Variants in NLGN1 observed in about 807,000 individuals in gnomAD.
The protein encoded by NLGN1 is neuroligin-1.
In NLGN1, 12 loss-of-function variants were observed where a neutral mutation model predicts 65.5. That is an observed-to-expected ratio of 0.18 (90% confidence interval 0.12 to 0.30). The LOEUF is 0.30. NLGN1 is among the 10% of genes least tolerant of loss of function. The probability of loss-of-function intolerance (pLI) is 1.00; values close to 1 mark genes in which losing one functional copy is unlikely to be tolerated. For synonymous variants in NLGN1, 350 were observed against 359.5 expected (o/e 0.97, Z 0.30); for missense variants, 750 against 1,007.1 (o/e 0.74, Z 3.46).
chr3:173,574,556 A>G (rs1745210099), intron 2 of NLGN1, among the ~76,000 whole-genome samples: 1 of 152,202 alleles, frequency 6.6e-6, no homozygotes, highest in Admixed American at 6.5e-5. Flanking sequence ...ATTTATTTAA[A>G]GTCTGTAATC....
intron 5 of NLGN1, 144 bp from the exon 6 acceptor site, chr3:174,278,717 C>A: frequency 1.6e-6 from 1 of 629,716 alleles, no homozygotes; most frequent in Non-Finnish European, 2.4e-6. Flanking sequence ...GCTTTGTGTA[C>A]TTCCCTTAAG....
chr3:174,230,785 A>T (rs367588190), intron 4 of NLGN1, among the ~76,000 whole-genome samples: 15,928 of 152,192 alleles, frequency 0.1, 1,072 homozygotes, highest in Non-Finnish European at 0.15. Context: ...AAATATTTAA[A>T]AAAAATAGAG....
At chr3:174,284,295 A>C (rs1456159144) in exon 7 of NLGN1, 1 of 151,330 alleles carries the variant, frequency 6.6e-6, no homozygotes, top group East Asian at 1.9e-4. Context: ...AGGATGCCCC[A>C]CATTATACAG....
intron 4 of NLGN1, among the ~76,000 whole-genome samples, chr3:173,978,577 T>G (rs1718044646): frequency 6.6e-6 from 1 of 151,798 alleles, no homozygotes; most frequent in Admixed American, 6.6e-5. Flanking sequence ...GAATAGTCAA[T>G]TAATAAGGAC....
chr3:174,146,130 TTC>T (rs1447382219), intron 4 of NLGN1, among the ~76,000 whole-genome samples: 4 of 148,394 alleles, frequency 2.7e-5, no homozygotes, highest in African/African-American at 1.0e-4. Flanking sequence ...CCTTCCTTCC[TTC>T]CTTCCTTCCT....
At chr3:173,800,624 T>C (rs1715270170) in intron 3 of NLGN1, among the ~76,000 whole-genome samples, 1 of 151,730 alleles carries the variant, frequency 6.6e-6, no homozygotes. Context: ...ACTTTTGATA[T>C]GTTTCATCCC....
At chr3:174,169,631 T>A (rs546125157) in intron 4 of NLGN1, among the ~76,000 whole-genome samples, 1 of 152,184 alleles carries the variant, frequency 6.6e-6, no homozygotes, top group South Asian at 2.1e-4. Context: ...AATTTCTGCC[T>A]GGGAGTAGAG....
At chr3:173,460,260 A>G (rs575992931) in intron 2 of NLGN1, among the ~76,000 whole-genome samples, 1 of 152,254 alleles carries the variant, frequency 6.6e-6, no homozygotes, top group Admixed American at 6.5e-5. Flanking sequence ...AGCTAGACCA[A>G]TAAATAATAT....
chr3:173,586,068 G>A (rs1433966672), intron 2 of NLGN1, among the ~76,000 whole-genome samples: 1 of 152,204 alleles, frequency 6.6e-6, no homozygotes, highest in Non-Finnish European at 1.5e-5. Flanking sequence ...TTATTTGAGG[G>A]ATGTATATAA....
At chr3:173,655,476 G>A (rs1378740450) in intron 3 of NLGN1, among the ~76,000 whole-genome samples, 1 of 151,600 alleles carries the variant, frequency 6.6e-6, no homozygotes, top group Non-Finnish European at 1.5e-5. Flanking sequence ...CCCAAGATTT[G>A]TTTTTCTCTC....
At chr3:173,611,988 A>C (rs1356972619) in intron 3 of NLGN1, among the ~76,000 whole-genome samples, 2 of 151,968 alleles carry the variant, frequency 1.3e-5, no homozygotes, top group Non-Finnish European at 2.9e-5. Flanking sequence ...GAGCTTAATA[A>C]TTAGAATGCA....
chr3:173,398,866 CAGG>C (rs1312714307), intron 1 of NLGN1, among the ~76,000 whole-genome samples: 1 of 152,150 alleles, frequency 6.6e-6, no homozygotes, highest in East Asian at 1.9e-4. Context: ...ATGAAAATTA[CAGG>C]GTCTTAATGC....
chr3:173,971,184 G>A (rs920167831), intron 4 of NLGN1, among the ~76,000 whole-genome samples: 1 of 152,060 alleles, frequency 6.6e-6, no homozygotes, highest in Non-Finnish European at 1.5e-5. Context: ...ATCATAAAGG[G>A]ATATAAGAGA....
At chr3:174,232,911 G>A (rs1031298375) in intron 4 of NLGN1, among the ~76,000 whole-genome samples, 5 of 152,170 alleles carry the variant, frequency 3.3e-5, no homozygotes, top group South Asian at 4.1e-4. Context: ...CCCCAACTTC[G>A]GACAGCTTTG....
chr3:174,217,875 A>G (rs1034788218), intron 4 of NLGN1, among the ~76,000 whole-genome samples: 1 of 152,068 alleles, frequency 6.6e-6, no homozygotes, highest in Non-Finnish European at 1.5e-5. Flanking sequence ...GGAAGCACCA[A>G]AAGAATACCC....
rs150104243 is a variant in NLGN1 at position 173,495,736 on chromosome 3, A to G, written c.-321+60658A>G. Among the ~76,000 whole-genome samples the G allele has an allele frequency of 7.7e-3, 1,164 of 150,244 alleles. 14 individuals are homozygous for G. Among genetic ancestry groups the G allele is most frequent in the Non-Finnish European group, 0.011 (725 of 67,736 alleles). On this transcript the variant is annotated intron_variant, in intron 2 of 6. Coordinates refer to ENST00000457714, the Ensembl canonical transcript of NLGN1. ...TAAATTACAAACAGCAAAATACACC[A>G]TCTTAAGTGTATTATCATAATCAAG...
intron 4 of NLGN1, among the ~76,000 whole-genome samples, chr3:173,881,534 C>G (rs931827288): frequency 4.7e-5 from 7 of 150,480 alleles, no homozygotes; most frequent in African/African-American, 1.7e-4. Context: ...ACGCCATTCT[C>G]CTGCCTCAGC....
intron 2 of NLGN1, among the ~76,000 whole-genome samples, chr3:173,568,417 A>G (rs1183524957): frequency 6.6e-6 from 1 of 152,010 alleles, no homozygotes; most frequent in Admixed American, 6.5e-5. Context: ...TATTTTTAGT[A>G]AAGATGGAGT....
At chr3:173,725,795 A>G (rs13063454) in intron 3 of NLGN1, among the ~76,000 whole-genome samples, 85,085 of 151,882 alleles carry the variant, frequency 0.56, 25,105 homozygotes, top group East Asian at 0.75. Context: ...ATCCACTTCA[A>G]ACTGCCTCAG....
Sources: allele counts gnomAD v4.1 joint callset (sites outside exome capture counted in the v4.1 genomes callset), GRCh38; gene constraint gnomAD v4.1.1; transcripts MANE v1.5; gene names NCBI Gene and HGNC (gene_info 2026-07-23, HGNC 2026-07-21).